The following ADGRB3 variants were observed in gnomAD, a reference collection of about 807,000 sequenced individuals.
ADGRB3 encodes the protein brain-specific angiogenesis inhibitor 3.
A neutral mutation model predicts 193.4 loss-of-function variants in ADGRB3; 37 were observed. The ratio of observed to expected loss-of-function variants is 0.19; its 90% CI spans 0.15 to 0.25. The LOEUF is 0.25. Among genes scored for constraint, ADGRB3 ranks in the 10% least tolerant of loss-of-function variants. ADGRB3 has a pLI of 1.00. For synonymous variants in ADGRB3, 690 were observed against 644.2 expected (o/e 1.07, Z -1.08); for missense variants, 1,637 against 1,852.9 (o/e 0.88, Z 2.14).
At chr6:68,832,548 T>G (rs1767975744) in intron 3 of ADGRB3, among the ~76,000 whole-genome samples, 1 of 152,192 alleles carries the variant, frequency 6.6e-6, no homozygotes, top group Non-Finnish European at 1.5e-5. Flanking sequence ...GATGATACGT[T>G]ACTGCCTTAA....
intron 3 of ADGRB3, among the ~76,000 whole-genome samples, chr6:68,733,219 G>T (rs904633258): frequency 4.1e-5 from 6 of 148,094 alleles, no homozygotes; most frequent in Non-Finnish European, 8.9e-5. Flanking sequence ...ATTGGATAAA[G>T]AAAATTATAT....
rs569493404 is a variant in ADGRB3, at chr6:69,241,552, G to C, written c.2814+2326G>C. Among the ~76,000 whole-genome samples, 5 of 152,048 alleles carry C rather than the reference G, an allele frequency of 3.3e-5. No individual in the cohort carries two copies. In the South Asian group the frequency reaches 1.0e-3, roughly 32 times the overall value. ...AAATTATCTCAAAAAACTACATTCT[G>C]TCTGCCCAGTTTGACCTTCACAGGT... On this transcript the variant is annotated intron_variant, in intron 20 of 31. Transcript: ENST00000370598.
chr6:69,302,434 C>G (rs1767966572), intron 20 of ADGRB3, among the ~76,000 whole-genome samples: 1 of 151,874 alleles, frequency 6.6e-6, no homozygotes, highest in Non-Finnish European at 1.5e-5. Context: ...CAGAAAGTAC[C>G]TTGCCAGTAA....
At chr6:68,713,713 C>G (rs1025574138) in intron 3 of ADGRB3, among the ~76,000 whole-genome samples, 2 of 151,476 alleles carry the variant, frequency 1.3e-5, no homozygotes, top group Non-Finnish European at 3.0e-5. Flanking sequence ...AACACTCCAA[C>G]AGTAGCGAAG....
At chr6:68,700,700 T>A (rs1765228692) in intron 3 of ADGRB3, among the ~76,000 whole-genome samples, 1 of 151,580 alleles carries the variant, frequency 6.6e-6, no homozygotes, top group African/African-American at 2.4e-5. Context: ...GAACCATCAT[T>A]CTCAGCAAAC....
intron 20 of ADGRB3, among the ~76,000 whole-genome samples, chr6:69,277,002 C>CTT (rs1320158134): frequency 3.6e-5 from 5 of 138,332 alleles, no homozygotes; most frequent in African/African-American, 5.3e-5. Context: ...TTTTTTTTTC[C>CTT]TTTTTTTTTT....
rs1241210093 is a variant in ADGRB3, at chr6:68,993,794, G to A, written c.1761G>A (p.Gln587=). Residue 587 remains glutamine, a synonymous_variant, in exon 11 of 32, where the codon CAG becomes CAA. Coordinates refer to ENST00000370598, the MANE Select transcript of ADGRB3 (RefSeq NM_001704.3). Reference sequence around the variant, plus strand: ...TTAAAGAGCACCTTGCTAAGGGGCAGCGAATGCTGGCAGGTGATGGAATGT... The same window carrying A: ...TTAAAGAGCACCTTGCTAAGGGGCAACGAATGCTGGCAGGTGATGGAATGT... ...HSIKEHLAKG[Q]RMLAGDGMSQ... The A allele has an allele frequency of 6.2e-7, 1 of 1,613,738 alleles. No homozygotes were observed. Among genetic ancestry groups the A allele is most frequent in the Non-Finnish European group, 8.5e-7 (1 of 1,179,784 alleles).
At chr6:68,727,940 T>TTATTAG (rs1171900413) in intron 3 of ADGRB3, among the ~76,000 whole-genome samples, 1 of 151,534 alleles carries the variant, frequency 6.6e-6, no homozygotes, top group Non-Finnish European at 1.5e-5. Flanking sequence ...CTGTTGAACT[T>TTATTAG]TTAATAGTTT....
chr6:68,697,520 G>C (rs1395087188), intron 3 of ADGRB3, among the ~76,000 whole-genome samples: 1 of 151,802 alleles, frequency 6.6e-6, no homozygotes, highest in Non-Finnish European at 1.5e-5. Context: ...AACATTTTTA[G>C]TGTTGACTCA....
intron 20 of ADGRB3, among the ~76,000 whole-genome samples, chr6:69,305,883 A>G (rs1382389044): frequency 1.3e-5 from 2 of 151,450 alleles, no homozygotes; most frequent in Non-Finnish European, 2.9e-5. Flanking sequence ...CCCTGGGAAA[A>G]ATATTCTGCA....
At chr6:68,939,453 G>T (rs1767577751) in intron 5 of ADGRB3, among the ~76,000 whole-genome samples, 1 of 152,134 alleles carries the variant, frequency 6.6e-6, no homozygotes, top group South Asian at 2.1e-4. Context: ...TTCTAAATTT[G>T]ATTAAGTAGT....
intron 3 of ADGRB3, among the ~76,000 whole-genome samples, chr6:68,772,889 AAAAAAATATATATATATAT>A (rs1766656241): frequency 9.2e-5 from 4 of 43,598 alleles, no homozygotes; most frequent in East Asian, 8.3e-4. Context: ...AAACAAAAAA[AAAAAAATATATATATATAT>A]ATATATATAT....
chr6:69,331,199 CAT>C (rs1413458254), intron 23 of ADGRB3, among the ~76,000 whole-genome samples: 1 of 152,074 alleles, frequency 6.6e-6, no homozygotes, highest in African/African-American at 2.4e-5. Context: ...GAATCATTCC[CAT>C]ATGTTATAGA....
At chr6:68,826,824 A>C (rs777277618) in intron 3 of ADGRB3, among the ~76,000 whole-genome samples, 2 of 152,206 alleles carry the variant, frequency 1.3e-5, no homozygotes, top group East Asian at 1.9e-4. Context: ...AGAGTCAAGA[A>C]TGACTACATT....
chr6:69,327,998 G>A, intron 22 of ADGRB3, 109 bp downstream of exon 22: 1 of 887,774 alleles, frequency 1.1e-6, no homozygotes, highest in Non-Finnish European at 1.6e-6. Context: ...ATTAACAATG[G>A]TAGAAATTGC....
In ADGRB3 at chr6:69,244,802, C is replaced by T. The variant is rs76220090; in HGVS notation, c.2814+5576C>T. Among the ~76,000 whole-genome samples, 457 of 152,142 alleles carry T rather than the reference C, an allele frequency of 3.0e-3. 1 individual carries two copies. Among genetic ancestry groups the T allele is most frequent in the African/African-American group, 0.01 (427 of 41,544 alleles). ...GTTGTCAGAGTTACATGAATTAGTA[C>T]GTATGGAGCACTTAACCCAGAGGCT... On this transcript the variant is annotated intron_variant, in intron 20 of 31. Coordinates refer to ENST00000370598, the MANE Select transcript of ADGRB3 (RefSeq NM_001704.3).
intron 13 of ADGRB3, among the ~76,000 whole-genome samples, chr6:69,044,299 CTG>C (rs1771176973): frequency 6.6e-6 from 1 of 152,194 alleles, no homozygotes. Context: ...CCATTCTTCT[CTG>C]TAATGCAACT....
At chr6:68,972,453 T>C (rs1161588285) in intron 8 of ADGRB3, among the ~76,000 whole-genome samples, 1 of 152,052 alleles carries the variant, frequency 6.6e-6, no homozygotes, top group Non-Finnish European at 1.5e-5. Flanking sequence ...GCAAAATGAC[T>C]CCTCCCCATC....
intron 15 of ADGRB3, among the ~76,000 whole-genome samples, chr6:69,055,843 T>G (rs1038069857): frequency 3.3e-5 from 5 of 152,082 alleles, no homozygotes; most frequent in Non-Finnish European, 4.4e-5. Flanking sequence ...TTTTGTTTTG[T>G]TTTGTGCACA....
Sources: gnomAD v4.1 joint callset for allele counts (sites outside exome capture counted in the v4.1 genomes callset) on GRCh38, gnomAD v4.1.1 for gene constraint, MANE v1.5 for transcripts, NCBI Gene and HGNC (gene_info 2026-07-23, HGNC 2026-07-21) for gene names.